Variants in MYH10 observed in about 807,000 individuals in gnomAD.
The protein encoded by MYH10 is myosin heavy chain 10.
Under a neutral mutation model 257.8 loss-of-function variants are expected in MYH10, and 55 were observed. That is an observed-to-expected ratio of 0.21 (90% CI 0.17 to 0.27). The LOEUF is 0.27. Among genes scored for constraint, MYH10 ranks in the 10% least tolerant of loss-of-function variants. MYH10 has a pLI of 1.00. For missense variants in MYH10, 1,631 were observed against 2,500.6 expected (o/e 0.65, Z 7.42); for synonymous variants, 854 against 921.7 (o/e 0.93, Z 1.33).
At position 8,504,088 on chromosome 17, in the gene MYH10, G is replaced by C. The variant is rs2080995127; in HGVS notation, c.3599+606C>G. On this transcript the variant is annotated intron_variant, in intron 28 of 42. Coordinates refer to ENST00000360416, the MANE Select transcript of MYH10 (RefSeq NM_001256012.3). The surrounding 1 kb of genome is among the most constrained non-coding windows in gnomAD (Gnocchi z 5.6). ...GCGACTCGTGGGCTGCCACACTGCA[G>C]CTTTCTACCCAGGAGCCTTCTCTGG... 6.6e-6 allele frequency among the ~76,000 whole-genome samples: 1 copy of C among 152,216 alleles called. No homozygotes were observed. The highest frequency in any genetic ancestry group is 2.4e-5 in the African/African-American group (1 of 41,452).
At chr17:8,561,502 C>T (rs112686958) in intron 7 of MYH10, 23,295 of 1,437,968 alleles carry the variant, frequency 0.016, 328 homozygotes, top group Middle Eastern at 0.038. Context: ...TCGTGAAGCC[C>T]GCAAGGACCG....
At chr17:8,627,398 C>T (rs183297492) in intron 1 of MYH10, among the ~76,000 whole-genome samples, 27 of 152,330 alleles carry the variant, frequency 1.8e-4, no homozygotes, top group African/African-American at 6.5e-4. Flanking sequence ...ATTCCTTCAA[C>T]TCCTGACCCA....
chr17:8,607,277 G>A (rs1053515661), intron 2 of MYH10, among the ~76,000 whole-genome samples: 8 of 152,102 alleles, frequency 5.3e-5, no homozygotes, highest in African/African-American at 1.9e-4. Flanking sequence ...CCAAGAAAAC[G>A]AAAATACACA....
In MYH10 at chr17:8,492,856, G is replaced by A. The variant is rs775072122; in HGVS notation, c.4378C>T (p.Leu1460=). 1 of 1,614,100 alleles carries A rather than the reference G, an allele frequency of 6.2e-7. No individual in the cohort carries two copies. The highest frequency in any genetic ancestry group is 2.2e-5 in the East Asian group (1 of 44,870). Residue 1460 remains leucine (L), a synonymous_variant, in exon 33 of 43, where the codon CTG becomes TTG. Coordinates refer to ENST00000360416, the MANE Select transcript of MYH10 (RefSeq NM_001256012.3). ...TCCAGGTCCACCGTGAGGTCGTCCA[G>A]CTCCTGCTGCAGGCGGTTCTTGGTC... ...EKTKNRLQQE[L]DDLTVDLDHQ... is the part of the protein sequence containing the mutation.
chr17:8,585,288 G>GTATATA lies in MYH10; in HGVS notation c.530+3787_530+3792dup, dbSNP rs71159599. On this transcript the variant is annotated intron_variant, in intron 4 of 42. Transcript: ENST00000360416. The stretch of plus-strand genomic sequence containing the variant: ...TATATATATGTGCATGTGTGTGTGT[G>GTATATA]TATATATATATATATATAGCTACAT... 4.4e-3 allele frequency among the ~76,000 whole-genome samples: 441 copies of GTATATA among 99,340 alleles called. 17 individuals are homozygous for GTATATA. Among genetic ancestry groups the GTATATA allele is most frequent in the African/African-American group, 0.015 (405 of 26,554 alleles). The allele number at this position is 99,340 out of a possible 152,430, so 65.2% of individuals were successfully genotyped here. A position where few individuals can be genotyped will look rare whatever the true frequency, so the allele number is the denominator to read the frequency against.
At chr17:8,554,974 T>C (rs986823029) in intron 7 of MYH10, among the ~76,000 whole-genome samples, 6 of 146,832 alleles carry the variant, frequency 4.1e-5, no homozygotes, top group Non-Finnish European at 9.0e-5. Context: ...AAAGCAAATA[T>C]GGTATGGTTA....
intron 7 of MYH10, among the ~76,000 whole-genome samples, chr17:8,562,424 T>A (rs2083027933): frequency 6.6e-6 from 1 of 152,266 alleles, no homozygotes; most frequent in Admixed American, 6.5e-5. Flanking sequence ...TAATAAATAC[T>A]TTCAGAATTA....
chr17:8,500,248 TATGGGAAGTC>T (rs1355512075), intron 29 of MYH10, among the ~76,000 whole-genome samples: 2 of 152,110 alleles, frequency 1.3e-5, no homozygotes, highest in Non-Finnish European at 2.9e-5. Flanking sequence ...CAAGGATGAT[TATGGGAAGTC>T]ATGGAGGCCA....
At chr17:8,503,322 GT>G (rs1449064677) in intron 28 of MYH10, among the ~76,000 whole-genome samples, 4 of 50,520 alleles carry the variant, frequency 7.9e-5, no homozygotes, top group African/African-American at 2.5e-4. Flanking sequence ...AAATAAAAAA[GT>G]GGGGTAGGAA....
intron 25 of MYH10, among the ~76,000 whole-genome samples, chr17:8,509,280 A>G (rs11654755): frequency 0.52 from 79,296 of 152,136 alleles, 21,743 homozygotes; most frequent in Middle Eastern, 0.64. Flanking sequence ...AGATGCAATC[A>G]GCCCAGCGTC....
chr17:8,489,708 A>AACACACACACACACACACAC (rs59065540), intron 35 of MYH10, among the ~76,000 whole-genome samples: 95 of 93,128 alleles, frequency 1.0e-3, no homozygotes, highest in African/African-American at 3.2e-3. Context: ...CGTCTGAAAA[A>AACACACACACACACACACAC]ACACACACAC....
rs1379653660 is a variant in MYH10, at chr17:8,552,080, G to A, written c.885C>T (p.Tyr295=). The change falls in exon 9 of 43, where the codon TAC becomes TAT. Residue 295 remains tyrosine (Y), a synonymous_variant. Transcript: ENST00000360416. The surrounding 1 kb of genome is among the most constrained non-coding windows in gnomAD (Gnocchi z 4.8). ...GTTCTCCTGCTCCAGATAACAACTG[G>A]TAAAAGATATGAAAAGTACGTTCAT... The part of the protein sequence containing the change: ...AKDERTFHIF[Y]QLLSGAGEHL... The A allele has an allele frequency of 6.4e-7, 1 of 1,561,340 alleles. No individual in the cohort carries two copies. Among genetic ancestry groups the A allele is most frequent in the Non-Finnish European group, 8.7e-7 (1 of 1,149,158 alleles).
At chr17:8,509,199 T>C (rs926131366) in intron 25 of MYH10, among the ~76,000 whole-genome samples, 1 of 152,220 alleles carries the variant, frequency 6.6e-6, no homozygotes, top group Non-Finnish European at 1.5e-5. Flanking sequence ...GATACACAAG[T>C]ACTTATTAGC....
intron 30 of MYH10, among the ~76,000 whole-genome samples, chr17:8,497,119 G>A (rs1290575044): frequency 6.6e-6 from 1 of 152,158 alleles, no homozygotes; most frequent in African/African-American, 2.4e-5. Context: ...CAGCCCTCGT[G>A]CCCTTTCCTT....
chr17:8,551,832 A>G (rs1484394426), intron 9 of MYH10, among the ~76,000 whole-genome samples: 1 of 152,200 alleles, frequency 6.6e-6, no homozygotes, highest in African/African-American at 2.4e-5. Context: ...ATAAAAGTAC[A>G]AAAGATTATA....
intron 31 of MYH10, among the ~76,000 whole-genome samples, chr17:8,494,124 C>T (rs1916203579): frequency 1.3e-5 from 2 of 152,174 alleles, no homozygotes; most frequent in East Asian, 1.9e-4. Flanking sequence ...CACCCAGGGG[C>T]CCAGGCTGGA....
intron 2 of MYH10, among the ~76,000 whole-genome samples, chr17:8,621,932 T>C (rs568999988): frequency 6.6e-6 from 1 of 152,336 alleles, no homozygotes; most frequent in East Asian, 1.9e-4. Context: ...CAGAGAGACC[T>C]GGCCTGTCTT....
chr17:8,575,888 T>A (rs990113635), intron 6 of MYH10, among the ~76,000 whole-genome samples: 2 of 152,230 alleles, frequency 1.3e-5, no homozygotes, highest in Non-Finnish European at 2.9e-5. Context: ...TTTTCACTGC[T>A]ATGGTCTGTG....
intron 4 of MYH10, among the ~76,000 whole-genome samples, chr17:8,587,025 T>C (rs750237494): frequency 6.6e-6 from 1 of 152,152 alleles, no homozygotes; most frequent in South Asian, 2.1e-4. Flanking sequence ...AAGCAGAAAC[T>C]TGAACAATGC....
Sources: gnomAD v4.1 joint callset for allele counts (sites outside exome capture counted in the v4.1 genomes callset) on GRCh38, gnomAD v4.1.1 for gene constraint, Gnocchi (gnomAD v3.1) non-coding constraint, MANE v1.5 for transcripts, NCBI Gene and HGNC (gene_info 2026-07-23, HGNC 2026-07-21) for gene names.